NKAIN2: variants seen among roughly 807,000 people sequenced by gnomAD.
NKAIN2 encodes the protein sodium/potassium-transporting ATPase subunit beta-1-interacting protein 2.
NKAIN2 carries 14 observed loss-of-function variants against 32.6 expected under a neutral mutation model. The observed-to-expected ratio is 0.43, with a 90% CI of 0.28 to 0.67. The LOEUF (loss-of-function observed/expected upper bound fraction) is 0.67. Among genes scored for constraint, NKAIN2 ranks in the 30% least tolerant of loss-of-function variants. The probability of loss-of-function intolerance (pLI) is 0.17; values close to 1 mark genes in which losing one functional copy is unlikely to be tolerated. For synonymous variants in NKAIN2, 80 were observed against 87.2 expected (o/e 0.92, Z 0.46); for missense variants, 198 against 258.3 (o/e 0.77, Z 1.60).
intron 4 of NKAIN2, among the ~76,000 whole-genome samples, chr6:124,775,318 T>C (rs189875632): frequency 6.6e-6 from 1 of 152,290 alleles, no homozygotes; most frequent in African/African-American, 2.4e-5. Flanking sequence ...TTCTGAACCT[T>C]CTTTTGCAGC....
chr6:124,170,545 T>C (rs1260614271), intron 1 of NKAIN2, among the ~76,000 whole-genome samples: 4 of 152,200 alleles, frequency 2.6e-5, no homozygotes, highest in Non-Finnish European at 2.9e-5. Context: ...CTGTAACTCA[T>C]TAGAGAACAT....
chr6:124,766,615 T>G lies in NKAIN2; in HGVS notation c.475-24724T>G, dbSNP rs548218339. ...ATACTCAGAGAACACATGGCCCAGA[T>G]TGGAGAAACTGCAAAAGCACAGATA... On this transcript the variant is annotated intron_variant, in intron 4 of 6. Transcript: ENST00000368417. Among the ~76,000 whole-genome samples, 13 of 152,300 alleles carry G rather than the reference T, an allele frequency of 8.5e-5. No individual in the cohort carries two copies. In the South Asian group the frequency reaches 2.7e-3, roughly 32 times the overall value.
intron 3 of NKAIN2, among the ~76,000 whole-genome samples, chr6:124,606,491 T>A (rs1359847514): frequency 2.0e-5 from 3 of 152,116 alleles, no homozygotes; most frequent in African/African-American, 4.8e-5. Flanking sequence ...GGAGTTTTGC[T>A]TTGAAGTATT....
rs1777986912 is a variant in NKAIN2, at chr6:123,964,439, T to G, written c.54+160185T>G. Among the ~76,000 whole-genome samples the G allele has an allele frequency of 1.3e-5, 2 of 152,164 alleles. No individual in the cohort carries two copies. Among genetic ancestry groups the G allele is most frequent in the Non-Finnish European group, 2.9e-5 (2 of 68,034 alleles). On this transcript the variant is annotated intron_variant, in intron 1 of 6. Coordinates refer to ENST00000368417, the MANE Select transcript of NKAIN2 (RefSeq NM_001040214.3). The surrounding 1 kb of genome is among the most constrained non-coding windows in gnomAD (Gnocchi z 4.0). Reference sequence around the variant, plus strand: ...CCTCTGATGGCTTCAGTGTAAATCCTAGTCATCTGGATCAGGTATATAAAA... The same window carrying G: ...CCTCTGATGGCTTCAGTGTAAATCCGAGTCATCTGGATCAGGTATATAAAA...
intron 1 of NKAIN2, among the ~76,000 whole-genome samples, chr6:124,270,367 T>C (rs1445965104): frequency 6.6e-6 from 1 of 152,150 alleles, no homozygotes; most frequent in Admixed American, 6.5e-5. Flanking sequence ...ACATTGTTTC[T>C]CTGATAATGA....
rs543834648 is a variant in NKAIN2, at chr6:124,604,944, G to T, written c.274-53242G>T. On this transcript the variant is annotated intron_variant, in intron 3 of 6. Coordinates refer to ENST00000368417, the MANE Select transcript of NKAIN2 (RefSeq NM_001040214.3). ...GCTCCTGGCAGAATGTCTTGTACAG[G>T]AAAGACACCCATTAATATTTGTCAA... Among the ~76,000 whole-genome samples the T allele has an allele frequency of 1.5e-4, 23 of 152,036 alleles. 1 individual carries two copies. The South Asian group carries it at 4.8e-3, about 32-fold the overall frequency.
At chr6:124,188,267 C>T (rs1438322373) in intron 1 of NKAIN2, among the ~76,000 whole-genome samples, 1 of 152,260 alleles carries the variant, frequency 6.6e-6, no homozygotes, top group Non-Finnish European at 1.5e-5. Flanking sequence ...ATTGGCTCAT[C>T]TGATTATGGG....
At chr6:124,108,955 T>C (rs1448360435) in intron 1 of NKAIN2, among the ~76,000 whole-genome samples, 1 of 152,042 alleles carries the variant, frequency 6.6e-6, no homozygotes, top group Admixed American at 6.6e-5. Context: ...GTCATGTATT[T>C]TGGAATCAGT....
intron 4 of NKAIN2, among the ~76,000 whole-genome samples, chr6:124,725,946 G>A (rs566021739): frequency 1.1e-4 from 16 of 152,342 alleles, no homozygotes; most frequent in Admixed American, 7.2e-4. Flanking sequence ...AAGGGGTGAC[G>A]GACGGCACCT....
chr6:124,603,655 TCA>T (rs942462993), intron 3 of NKAIN2, among the ~76,000 whole-genome samples: 5 of 151,946 alleles, frequency 3.3e-5, no homozygotes, highest in Non-Finnish European at 7.4e-5. Context: ...TTTTTGCAGT[TCA>T]GTTTGCCTTC....
intron 1 of NKAIN2, among the ~76,000 whole-genome samples, chr6:123,938,495 A>G (rs1776653236): frequency 7.4e-6 from 1 of 135,630 alleles, no homozygotes; most frequent in African/African-American, 2.7e-5. Context: ...TATAATATAT[A>G]TTTATATATA....
chr6:123,915,324 G>T (rs1486787164), intron 1 of NKAIN2, among the ~76,000 whole-genome samples: 1 of 151,876 alleles, frequency 6.6e-6, no homozygotes, highest in Non-Finnish European at 1.5e-5. Flanking sequence ...TTCCATTTTG[G>T]CACCATTTCT....
At chr6:124,481,691 G>T (rs1361189791) in intron 3 of NKAIN2, among the ~76,000 whole-genome samples, 1 of 152,052 alleles carries the variant, frequency 6.6e-6, no homozygotes, top group Non-Finnish European at 1.5e-5. Flanking sequence ...AGCAAGTCAT[G>T]ACTAAATTTG....
Position 124,545,216 on chromosome 6 carries a change from A to G in NKAIN2, c.274-112970A>G, listed in dbSNP as rs567905044. ...CCTGAAAATAGCTTAATTTTAAGTC[A>G]TTTGCTCTTTAAATGGAAGCTGGAA... On this transcript the variant is annotated intron_variant, in intron 3 of 6. Coordinates refer to ENST00000368417, the MANE Select transcript of NKAIN2 (RefSeq NM_001040214.3). 1.2e-3 allele frequency among the ~76,000 whole-genome samples: 184 copies of G among 152,298 alleles called. 1 individual carries two copies. Among genetic ancestry groups the G allele is most frequent in the African/African-American group, 4.3e-3 (180 of 41,568 alleles).
chr6:124,422,518 CT>C (rs200843036), intron 3 of NKAIN2, among the ~76,000 whole-genome samples: 10 of 151,496 alleles, frequency 6.6e-5, no homozygotes, highest in East Asian at 3.9e-4. Context: ...GTATTTTTAT[CT>C]TTTTTTTTCC....
At chr6:124,656,407 TA>T (rs1273515408) in intron 3 of NKAIN2, among the ~76,000 whole-genome samples, 1 of 151,822 alleles carries the variant, frequency 6.6e-6, no homozygotes, top group Non-Finnish European at 1.5e-5. Flanking sequence ...CTTTACTAAC[TA>T]ACCCCATCCC....
chr6:124,524,344 GCTAA>G (rs10602773), intron 3 of NKAIN2, among the ~76,000 whole-genome samples: 38,998 of 151,822 alleles, frequency 0.26, 5,788 homozygotes, highest in Middle Eastern at 0.38. Flanking sequence ...TTATATAGTT[GCTAA>G]CTATTACTAA....
chr6:124,052,399 T>C (rs1331923602), intron 1 of NKAIN2, among the ~76,000 whole-genome samples: 1 of 152,084 alleles, frequency 6.6e-6, no homozygotes, highest in African/African-American at 2.4e-5. Flanking sequence ...ACATGTTTTA[T>C]GTTTATTATC....
At chr6:124,404,952 T>C (rs1489094468) in intron 3 of NKAIN2, among the ~76,000 whole-genome samples, 2 of 152,168 alleles carry the variant, frequency 1.3e-5, no homozygotes, top group Non-Finnish European at 1.5e-5. Context: ...ATCTTCTCTT[T>C]TTTGTTGACT....
Sources: allele counts gnomAD v4.1 joint callset (sites outside exome capture counted in the v4.1 genomes callset), GRCh38; gene constraint gnomAD v4.1.1; non-coding constraint Gnocchi (gnomAD v3.1); transcripts MANE v1.5; gene names NCBI Gene and HGNC (gene_info 2026-07-23, HGNC 2026-07-21).